Variants in TAS2R1 observed in about 807,000 individuals in gnomAD.
TAS2R1 encodes taste 2 receptor member 1.
For missense variants in TAS2R1, 370 were observed against 353.4 expected (o/e 1.05, Z -0.38); for synonymous variants, 141 against 134.2 (o/e 1.05, Z -0.35).
At chr5:9,840,866 T>A in the TAS2R1 span, among the ~76,000 whole-genome samples, 67 of 11,700 alleles carry the variant, frequency 5.7e-3, no homozygotes, top group African/African-American at 0.028. Context: ...TATTTTTTTT[T>A]TTTTTTTTTT....
intron 2 of TAS2R1, chr5:9,659,348 C>G (rs1740482209): frequency 6.6e-6 from 1 of 152,156 alleles, no homozygotes; most frequent in Admixed American, 6.5e-5. Context: ...ATGACTACCA[C>G]TCTAGACTTA....
At chr5:9,788,548 A>G in the TAS2R1 span, among the ~76,000 whole-genome samples, 1 of 152,234 alleles carries the variant, frequency 6.6e-6, no homozygotes, top group Non-Finnish European at 1.5e-5. Context: ...AATTTCCAAC[A>G]GGTATGTGAG....
At chr5:9,839,109 G>A in the TAS2R1 span, among the ~76,000 whole-genome samples, 16 of 152,336 alleles carry the variant, frequency 1.1e-4, no homozygotes, top group Non-Finnish European at 1.6e-4. Flanking sequence ...CCTGAGCTGC[G>A]CAGCCGCTAG....
At chr5:9,819,181 T>C in the TAS2R1 span, among the ~76,000 whole-genome samples, 2 of 152,134 alleles carry the variant, frequency 1.3e-5, no homozygotes, top group Non-Finnish European at 2.9e-5. Context: ...CAGATGAGGA[T>C]TGCTGAGAGA....
In TAS2R1 at chr5:9,628,576, C is replaced by A. The variant is rs772667072; in HGVS notation, c.*557G>T. ...TGCTTGTCCTTGCTTCCTTTGTGATCTGAGGAGAAAGAATGGCTCCACTGC... is the reference window on the plus strand; with the variant it reads ...TGCTTGTCCTTGCTTCCTTTGTGATATGAGGAGAAAGAATGGCTCCACTGC... On this transcript the variant is annotated 3_prime_UTR_variant, in exon 1 of 1. Transcript: ENST00000382492. Among the ~76,000 whole-genome samples the A allele has an allele frequency of 6.6e-5, 10 of 152,048 alleles. No individual in the cohort carries two copies. The highest frequency in any genetic ancestry group is 1.5e-4 in the Non-Finnish European group (10 of 68,010).
At chr5:9,891,873 T>C in the TAS2R1 span, among the ~76,000 whole-genome samples, 3 of 152,156 alleles carry the variant, frequency 2.0e-5, no homozygotes, top group African/African-American at 7.2e-5. Flanking sequence ...ACAATCATAC[T>C]TGACCCCTTC....
At chr5:9,791,207 C>T in the TAS2R1 span, among the ~76,000 whole-genome samples, 1 of 152,150 alleles carries the variant, frequency 6.6e-6, no homozygotes, top group Non-Finnish European at 1.5e-5. Context: ...CACACATACA[C>T]ACACACACAC....
chr5:9,821,865 G>C, the TAS2R1 span, among the ~76,000 whole-genome samples: 1 of 152,122 alleles, frequency 6.6e-6, no homozygotes, highest in Non-Finnish European at 1.5e-5. Flanking sequence ...TTATGACCTG[G>C]GGAAAGATAT....
chr5:9,707,617 A>G (rs1312111941), intron 1 of TAS2R1, among the ~76,000 whole-genome samples: 1 of 152,228 alleles, frequency 6.6e-6, no homozygotes, highest in Non-Finnish European at 1.5e-5. Flanking sequence ...CGGGAAGCAG[A>G]GGTTGCAGTG....
chr5:9,811,347 A>C, the TAS2R1 span, among the ~76,000 whole-genome samples: 1 of 152,222 alleles, frequency 6.6e-6, no homozygotes, highest in Admixed American at 6.5e-5. Context: ...TTGTTATAGC[A>C]GTCCAAACAG....
chr5:9,884,269 A>T, the TAS2R1 span, among the ~76,000 whole-genome samples: 1 of 151,842 alleles, frequency 6.6e-6, no homozygotes. Context: ...AGGTCAGGAG[A>T]TCGAGACCAT....
chr5:9,696,120 T>C (rs912816842), intron 1 of TAS2R1, among the ~76,000 whole-genome samples: 4 of 152,112 alleles, frequency 2.6e-5, no homozygotes, highest in African/African-American at 4.8e-5. Flanking sequence ...TATGACCCGG[T>C]AGAGTCAATA....
intron 1 of TAS2R1, among the ~76,000 whole-genome samples, chr5:9,693,838 A>G (rs116380852): frequency 0.031 from 4,760 of 152,254 alleles, 91 homozygotes; most frequent in African/African-American, 0.057. Flanking sequence ...ACTGGTTTTT[A>G]TACAGTGTTG....
the TAS2R1 span, among the ~76,000 whole-genome samples, chr5:9,885,588 CA>C: frequency 8.6e-4 from 131 of 152,176 alleles, no homozygotes; most frequent in African/African-American, 2.9e-3. Context: ...TGATATAAGT[CA>C]GGGGGGAAAA....
chr5:9,871,624 A>C, the TAS2R1 span, among the ~76,000 whole-genome samples: 1 of 152,134 alleles, frequency 6.6e-6, no homozygotes, highest in East Asian at 1.9e-4. Flanking sequence ...TACAGGAGGA[A>C]TTTTACCCCA....
At chr5:9,728,800 T>C in the TAS2R1 span, among the ~76,000 whole-genome samples, 2 of 152,086 alleles carry the variant, frequency 1.3e-5, no homozygotes, top group African/African-American at 4.8e-5. Context: ...CTCAACACAC[T>C]CCATTCTTGG....
At chr5:9,784,268 G>T in the TAS2R1 span, among the ~76,000 whole-genome samples, 36 of 152,250 alleles carry the variant, frequency 2.4e-4, no homozygotes, top group African/African-American at 8.7e-4. Flanking sequence ...AAATCCCCAG[G>T]CTGGGACCAG....
At chr5:9,781,598 C>T in the TAS2R1 span, among the ~76,000 whole-genome samples, 1 of 152,256 alleles carries the variant, frequency 6.6e-6, no homozygotes, top group Non-Finnish European at 1.5e-5. Context: ...TCCTCACTGA[C>T]TTAAATTCCC....
chr5:9,861,878 G>A, the TAS2R1 span, among the ~76,000 whole-genome samples: 1 of 152,160 alleles, frequency 6.6e-6, no homozygotes, highest in Non-Finnish European at 1.5e-5. Flanking sequence ...CACATTCCAG[G>A]GCAGCCAGGC....
Sources: gnomAD v4.1 joint callset for allele counts (sites outside exome capture counted in the v4.1 genomes callset) on GRCh38, gnomAD v4.1.1 for gene constraint, MANE v1.5 for transcripts, NCBI Gene and HGNC (gene_info 2026-07-23, HGNC 2026-07-21) for gene names.